Variants in DGKI observed in about 807,000 individuals in gnomAD.
DGKI encodes the protein DAG kinase iota.
Under a neutral mutation model 147.5 loss-of-function variants are expected in DGKI, and 55 were observed. The observed-to-expected ratio is 0.37, with a 90% CI of 0.30 to 0.47. The LOEUF (loss-of-function observed/expected upper bound fraction) is 0.47. Ranked by LOEUF, DGKI falls within the 20% of genes least tolerant of loss-of-function variation. The pLI is 1.00. For synonymous variants in DGKI, 469 were observed against 477.1 expected (o/e 0.98, Z 0.22); for missense variants, 1,007 against 1,323.8 (o/e 0.76, Z 3.71).
At chr7:137,685,285 GTGC>G (rs1480985345) in intron 2 of DGKI, among the ~76,000 whole-genome samples, 1 of 152,186 alleles carries the variant, frequency 6.6e-6, no homozygotes, top group African/African-American at 2.4e-5. Context: ...AAAATCAAGG[GTGC>G]TGGGTTTAAA....
At chr7:137,471,678 T>C (rs1814895037) in intron 23 of DGKI, among the ~76,000 whole-genome samples, 1 of 152,010 alleles carries the variant, frequency 6.6e-6, no homozygotes, top group South Asian at 2.1e-4. Context: ...GGATGCATCT[T>C]AGTAAACTAG....
chr7:137,660,627 T>G (rs1022794673), intron 3 of DGKI, among the ~76,000 whole-genome samples: 2 of 152,118 alleles, frequency 1.3e-5, no homozygotes, highest in African/African-American at 2.4e-5. Flanking sequence ...GAGATTAATA[T>G]TGAATCCTAT....
intron 1 of DGKI, among the ~76,000 whole-genome samples, chr7:137,808,090 T>C (rs1305098892): frequency 6.6e-6 from 1 of 152,212 alleles, no homozygotes; most frequent in Non-Finnish European, 1.5e-5. Context: ...ATTTCCCAGT[T>C]GTTCATGTTG....
chr7:137,605,784 G>A (rs1047726164), intron 10 of DGKI, among the ~76,000 whole-genome samples: 1 of 152,174 alleles, frequency 6.6e-6, no homozygotes, highest in Admixed American at 6.5e-5. Context: ...GTAGAGAGTA[G>A]AATGATAGTT....
intron 21 of DGKI, 49 bp from the exon 22 acceptor site, chr7:137,487,738 C>A: frequency 6.6e-7 from 1 of 1,525,352 alleles, no homozygotes; most frequent in South Asian, 1.1e-5. Flanking sequence ...TTTGATTTTT[C>A]TATATCAGCA....
At chr7:137,423,907 C>A (rs187110920) in intron 28 of DGKI, among the ~76,000 whole-genome samples, 7 of 152,168 alleles carry the variant, frequency 4.6e-5, no homozygotes, top group African/African-American at 1.7e-4. Flanking sequence ...CTGGGATACA[C>A]GTGCAGAATG....
Position 137,466,040 on chromosome 7 carries a change from A to G in DGKI, c.2485-5T>C, listed in dbSNP as rs59386564. The G allele has an allele frequency of 0.016, 26,283 of 1,613,386 alleles. 3,665 individuals are homozygous for G. The African/African-American group carries it at 0.31, about 19-fold the overall frequency. ...CATCACAAAGTGCAAATGTTCCTAA[A>G]GAAGAACAAGAAGTCTGTTGCATGA... On this transcript the variant is annotated splice_polypyrimidine_tract_variant and splice_region_variant and intron_variant, in intron 25 of 32. Transcript: ENST00000614521.
chr7:137,745,310 A>G (rs566424360), intron 1 of DGKI, among the ~76,000 whole-genome samples: 3 of 152,328 alleles, frequency 2.0e-5, no homozygotes, highest in East Asian at 1.9e-4. Flanking sequence ...ACTACGTCCA[A>G]AGAAATCACC....
chr7:137,745,922 A>G (rs1795313034), intron 1 of DGKI, among the ~76,000 whole-genome samples: 1 of 152,178 alleles, frequency 6.6e-6, no homozygotes, highest in Non-Finnish European at 1.5e-5. Flanking sequence ...AGTCTATGAC[A>G]AGTGCTTAGT....
At chr7:137,568,520 G>A (rs564862493) in intron 19 of DGKI, among the ~76,000 whole-genome samples, 89 of 152,218 alleles carry the variant, frequency 5.8e-4, no homozygotes, top group African/African-American at 2.1e-3. Flanking sequence ...ATGTCTTCTG[G>A]CTTCCAATCA....
Position 137,608,964 on chromosome 7 carries a change from A to C in DGKI, c.1167+2T>G. 1 of 1,605,504 alleles carries C rather than the reference A, an allele frequency of 6.2e-7. No individual in the cohort carries two copies. Among genetic ancestry groups the C allele is most frequent in the Non-Finnish European group, 8.5e-7 (1 of 1,172,492 alleles). On this transcript the variant is annotated splice_donor_variant, in intron 10 of 32. Coordinates refer to ENST00000614521, the MANE Select transcript of DGKI (RefSeq NM_001321708.2). LOFTEE classifies it high-confidence loss of function. ...AGTTGAAAATCATGAAAAATTACTC[A>C]CCTGGTTGCCTCCACTCTTGGGATT...
intron 15 of DGKI, among the ~76,000 whole-genome samples, chr7:137,580,211 A>T (rs1819140764): frequency 6.6e-6 from 1 of 152,146 alleles, no homozygotes; most frequent in Non-Finnish European, 1.5e-5. Flanking sequence ...AGTATTATTA[A>T]GAAGTTTGGG....
chr7:137,716,228 C>A (rs1794372290), intron 1 of DGKI, among the ~76,000 whole-genome samples: 1 of 152,216 alleles, frequency 6.6e-6, no homozygotes, highest in Non-Finnish European at 1.5e-5. Context: ...AACATTCTTA[C>A]AACTGTCTTA....
intron 6 of DGKI, among the ~76,000 whole-genome samples, chr7:137,626,196 G>C (rs1387396998): frequency 6.6e-6 from 1 of 152,078 alleles, no homozygotes; most frequent in Non-Finnish European, 1.5e-5. Context: ...TCCTCCTAGT[G>C]AATCACTGAA....
chr7:137,508,193 A>G (rs1213705781), intron 21 of DGKI, among the ~76,000 whole-genome samples: 1 of 145,710 alleles, frequency 6.9e-6, no homozygotes, highest in Non-Finnish European at 1.5e-5. Flanking sequence ...TGTTTCCCTT[A>G]GCATGATGGA....
chr7:137,428,491 C>T (rs913221363), intron 28 of DGKI, among the ~76,000 whole-genome samples: 6 of 152,082 alleles, frequency 3.9e-5, no homozygotes, highest in African/African-American at 1.4e-4. Flanking sequence ...AAAACTGGCA[C>T]AAGACAGGGA....
intron 6 of DGKI, among the ~76,000 whole-genome samples, chr7:137,638,661 T>C (rs1030135463): frequency 4.6e-5 from 6 of 131,346 alleles, no homozygotes; most frequent in East Asian, 2.3e-4. Context: ...TATACACACA[T>C]ATGTATATAT....
Position 137,517,329 on chromosome 7 carries a change from AAGAAAGAAAG to A in DGKI, c.2248+4527_2248+4536del, listed in dbSNP as rs1428710594. 3.9e-4 allele frequency among the ~76,000 whole-genome samples: 53 copies of A among 137,432 alleles called. 1 individual carries two copies. Among genetic ancestry groups the A allele is most frequent in the South Asian group, 7.4e-4 (3 of 4,078 alleles). The allele number at this position is 137,432 out of a possible 152,430, so 90.2% of individuals were successfully genotyped here. A position where few individuals can be genotyped will look rare whatever the true frequency, so the allele number is the denominator to read the frequency against. On this transcript the variant is annotated intron_variant, in intron 21 of 32. Transcript: ENST00000614521. ...AAAGAAAGAAAGAAAGAAAGAAAGA[AAGAAAGAAAG>A]AGAAAGAAAGAAAGAAGGAAAGAAA...
intron 20 of DGKI, among the ~76,000 whole-genome samples, chr7:137,533,193 G>A (rs1178256392): frequency 5.9e-5 from 9 of 152,114 alleles, no homozygotes; most frequent in Non-Finnish European, 5.9e-5. Flanking sequence ...GGAGGCTGAG[G>A]CGGGAGGATC....
Sources: allele counts gnomAD v4.1 joint callset (sites outside exome capture counted in the v4.1 genomes callset), GRCh38; gene constraint gnomAD v4.1.1; transcripts MANE v1.5; gene names NCBI Gene and HGNC (gene_info 2026-07-23, HGNC 2026-07-21).